SYNE4: variants seen among roughly 807,000 people sequenced by gnomAD.
SYNE4 encodes spectrin repeat containing nuclear envelope family member 4.
A neutral mutation model predicts 46.9 loss-of-function variants in SYNE4; 41 were observed. The observed-to-expected ratio is 0.87, with a 90% confidence interval of 0.68 to 1.13. The LOEUF (loss-of-function observed/expected upper bound fraction) is 1.13. Ranked by LOEUF, SYNE4 falls within the 50% of genes most tolerant of loss-of-function variation. SYNE4 has a pLI of 0.00. For missense variants in SYNE4, 492 were observed against 514.8 expected, an observed-to-expected ratio of 0.96 and a Z score of 0.43; for synonymous variants, 221 against 219.5, an observed-to-expected ratio of 1.01 and a Z score of -0.06.
chr19:36,005,557 A>G, intron 5 of SYNE4, 120 bp from the exon 6 acceptor site: 1 of 800,296 alleles, frequency 1.2e-6, no homozygotes, highest in Non-Finnish European at 2.0e-6. Context: ...AGAGCCAAAG[A>G]AACCAAGAGA....
chr19:36,008,334 G>A lies in SYNE4; in HGVS notation c.162C>T (p.Ser54=). The A allele has an allele frequency of 6.4e-7, 1 of 1,568,528 alleles. No homozygotes were observed. ...CCTGGAAGTGCTCAGGAGGGCCCAA[G>A]GAGTCCTGTCCCAGGGTCTGGGCCT... The part of the protein sequence containing the change: ...PEQAQTLGQD[S]LGPPEHFQGG... The change falls in exon 2 of 8, where the codon TCC becomes TCT. Residue 54 remains serine, a synonymous_variant. Coordinates refer to ENST00000324444, the MANE Select transcript of SYNE4 (RefSeq NM_001039876.3).
At position 36,003,601 on chromosome 19, in the gene SYNE4, C is replaced by T. The variant is rs1394517158; in HGVS notation, c.1031+12G>A. On this transcript the variant is annotated intron_variant, in intron 7 of 7. Transcript: ENST00000324444. The stretch of plus-strand genomic sequence containing the variant: ...TCCCCCACACCCTAGTCCCATCTCT[C>T]AGGCACCTCACCCTGGATTCCCCTC... 1 of 1,612,318 alleles carries T rather than the reference C, an allele frequency of 6.2e-7. No individual in the cohort carries two copies. Among genetic ancestry groups the T allele is most frequent in the Non-Finnish European group, 8.5e-7 (1 of 1,179,364 alleles).
chr19:36,008,107 C>T, intron 2 of SYNE4, 110 bp downstream of exon 2: 3 of 1,392,840 alleles, frequency 2.2e-6, no homozygotes, highest in Admixed American at 3.2e-5. Flanking sequence ...CCCCTACAGA[C>T]ACCCAACACC....
At position 36,006,876 on chromosome 19, in the gene SYNE4, C is replaced by T. The variant is rs1421763385; in HGVS notation, c.492G>A (p.Leu164=). 1.9e-6 allele frequency: 3 copies of T among 1,570,772 alleles called. No individual in the cohort carries two copies. The highest frequency in any genetic ancestry group is 2.6e-6 in the Non-Finnish European group (3 of 1,158,836). Residue 164 remains leucine (L), a synonymous_variant, in exon 4 of 8, where the codon CTG becomes CTA. Transcript: ENST00000324444. The part of the protein sequence containing the change: ...VEALLAFGEG[L]AQRSEPRAWA... ...AGGCCCTGGGCTCACTCCGCTGTGC[C>T]AGCCCCTCACCAAACGCTAGCAGCG...
chr19:36,006,998 G>A, intron 3 of SYNE4, 54 bp from the exon 4 acceptor site: 1 of 1,530,616 alleles, frequency 6.5e-7, no homozygotes, highest in Non-Finnish European at 8.8e-7. Flanking sequence ...AAAACCTGGA[G>A]TTACCCCCCT....
chr19:36,006,564 G>T lies in SYNE4; in HGVS notation c.726C>A (p.Pro242=). 6.2e-7 allele frequency: 1 copy of T among 1,606,710 alleles called. No homozygotes were observed. Among genetic ancestry groups the T allele is most frequent in the East Asian group, 2.2e-5 (1 of 44,586 alleles). ...VWGPWAPSSL[P]TSTELEWDPA... ...GATCCCACTCCAACTCTGTGGAAGT[G>T]GGGAGGCTACTGGGTGCCCAGGGCC... is the stretch of plus-strand genomic sequence containing the variant. The change falls in exon 5 of 8, where the codon CCC becomes CCA. Residue 242 remains proline, a synonymous_variant. Coordinates refer to ENST00000324444, the MANE Select transcript of SYNE4 (RefSeq NM_001039876.3).
rs1025982868 is a variant in SYNE4, at chr19:36,008,798, G to A, written c.-117C>T. On this transcript the variant is annotated 5_prime_UTR_variant, in exon 1 of 8. Coordinates refer to ENST00000324444, the MANE Select transcript of SYNE4 (RefSeq NM_001039876.3). ...CACCCGGGCCTGAGGCTGCAGGAGA[G>A]GCCCAGGACAGGTCTGGCTCCGCCC... 6.9e-7 allele frequency: 1 copy of A among 1,443,234 alleles called. No individual in the cohort carries two copies. The highest frequency in any genetic ancestry group is 9.1e-7 in the Non-Finnish European group (1 of 1,101,090). The allele number at this position is 1,443,234 out of a possible 1,614,324, so 89.4% of individuals were successfully genotyped here. A position where few individuals can be genotyped will look rare whatever the true frequency, so the allele number is the denominator to read the frequency against.
Position 36,006,852 on chromosome 19 carries a change from G to C in SYNE4, c.516C>G (p.Ala172=), listed in dbSNP as rs777593930. ...EGLAQRSEPR[A]WAALEQILRA... The stretch of plus-strand genomic sequence containing the variant: ...GCAGGATCTGCTCCAGGGCTGCCCA[G>C]GCCCTGGGCTCACTCCGCTGTGCCA... The change falls in exon 4 of 8, where the codon GCC becomes GCG. Residue 172 remains alanine, a synonymous_variant. Coordinates refer to ENST00000324444, the MANE Select transcript of SYNE4 (RefSeq NM_001039876.3). The C allele has an allele frequency of 3.1e-6, 5 of 1,589,018 alleles. No homozygotes were observed. In the South Asian group the frequency reaches 5.7e-5, roughly 18 times the overall value.
rs1247417205 is a variant in SYNE4, at chr19:36,006,556, G to A, written c.734C>T (p.Thr245Ile). The A allele has an allele frequency of 6.2e-6, 10 of 1,607,126 alleles. No homozygotes were observed. In the East Asian group the frequency reaches 2.2e-4, roughly 36 times the overall value. The change falls in exon 5 of 8, where the codon ACA becomes ATA. Residue 245 changes from threonine to isoleucine, a missense_variant. By Grantham distance (89) the Thr-to-Ile change is moderately conservative. Transcript: ENST00000324444. ...CCCCGCCGGATCCCACTCCAACTCTGTGGAAGTGGGGAGGCTACTGGGTGC... is the reference window on the plus strand; with the variant it reads ...CCCCGCCGGATCCCACTCCAACTCTATGGAAGTGGGGAGGCTACTGGGTGC... ...PWAPSSLPTS[T>I]ELEWDPAGDI...
chr19:36,006,590 C>G lies in SYNE4; in HGVS notation c.700G>C (p.Gly234Arg). The G allele has an allele frequency of 6.2e-7, 1 of 1,607,784 alleles. No individual in the cohort carries two copies. Among genetic ancestry groups the G allele is most frequent in the Non-Finnish European group, 8.5e-7 (1 of 1,177,186 alleles). ...SDWPGPGGVWGPWAPSSLPTS... is the reference protein window; with the variant it reads ...SDWPGPGGVWRPWAPSSLPTS... The stretch of plus-strand genomic sequence containing the variant: ...GGGAGGCTACTGGGTGCCCAGGGCC[C>G]CCAGACCCCACCAGGTCCTGGCCAG... The change falls in exon 5 of 8, where the codon GGG becomes CGG. Residue 234 changes from glycine (G) to arginine (R), a missense_variant. By Grantham distance (125) the Gly-to-Arg change is moderately radical (BLOSUM62 -2). Transcript: ENST00000324444.
chr19:36,008,805 G>C lies in SYNE4; in HGVS notation c.-124C>G. The stretch of plus-strand genomic sequence containing the variant: ...GCCTGAGGCTGCAGGAGAGGCCCAG[G>C]ACAGGTCTGGCTCCGCCCCTTCCAA... On this transcript the variant is annotated 5_prime_UTR_variant, in exon 1 of 8. Transcript: ENST00000324444. 1 of 1,440,160 alleles carries C rather than the reference G, an allele frequency of 6.9e-7. No individual in the cohort carries two copies. Among genetic ancestry groups the C allele is most frequent in the East Asian group, 2.5e-5 (1 of 39,880 alleles). 89.2% of individuals were successfully genotyped at this position (1,440,160 alleles called of 1,614,324 possible). A position where few individuals can be genotyped will look rare whatever the true frequency, so the allele number is the denominator to read the frequency against.
Position 36,006,790 on chromosome 19 carries a change from C to T in SYNE4, c.578G>A (p.Arg193Gln), listed in dbSNP as rs766460684. The T allele has an allele frequency of 3.2e-5, 52 of 1,611,838 alleles. No individual in the cohort carries two copies. The highest frequency in any genetic ancestry group is 3.9e-5 in the Non-Finnish European group (46 of 1,179,310). The stretch of plus-strand genomic sequence containing the variant: ...CAGCTGGGCCTGCAGCTGCCAGAGC[C>T]GCCGGAAGATGGAGTCTCGGTAAGC... Reference protein sequence around the residue: ...LGAYRDSIFRRLWQLQAQLVS... With the variant: ...LGAYRDSIFRQLWQLQAQLVS... Residue 193 changes from arginine to glutamine, a missense_variant, in exon 4 of 8, where the codon CGG (arginine) becomes CAG (glutamine). Physicochemically the swap from Arg to Gln is conservative, Grantham distance 43 (BLOSUM62 1). Transcript: ENST00000324444.
Position 36,008,710 on chromosome 19 carries a change from G to C in SYNE4, c.-29C>G, listed in dbSNP as rs764495785. 1 of 1,591,586 alleles carries C rather than the reference G, an allele frequency of 6.3e-7. No homozygotes were observed. The highest frequency in any genetic ancestry group is 1.8e-5 in the Admixed American group (1 of 55,742). On this transcript the variant is annotated 5_prime_UTR_variant, in exon 1 of 8. Transcript: ENST00000324444. The stretch of plus-strand genomic sequence containing the variant: ...TGGGGGCCTGGGGACACAAAGTCAG[G>C]TGAGGGCAGCCAGTAAGACCTCTTC...
At chr19:36,008,035 A>T (rs1968436410) in intron 2 of SYNE4, among the ~76,000 whole-genome samples, 182 bp downstream of exon 2, 1 of 151,394 alleles carries the variant, frequency 6.6e-6, no homozygotes, top group Admixed American at 6.6e-5. Context: ...AAAAAAAAAG[A>T]AAGAAAGAAA....
chr19:36,005,522 G>C, intron 5 of SYNE4, 85 bp from the exon 6 acceptor site: 1 of 1,273,636 alleles, frequency 7.9e-7, no homozygotes, highest in Non-Finnish European at 1.1e-6. Context: ...GGGGAGCAGA[G>C]AGATCTCACA....
chr19:36,008,587 G>A lies in SYNE4; in HGVS notation c.95C>T (p.Thr32Ile). The A allele has an allele frequency of 3.1e-6, 5 of 1,613,994 alleles. No homozygotes were observed. The highest frequency in any genetic ancestry group is 4.2e-6 in the Non-Finnish European group (5 of 1,179,940). Residue 32 changes from threonine to isoleucine, a missense_variant, in exon 1 of 8, where the codon ACC (threonine) becomes ATC (isoleucine). Transcript: ENST00000324444. Reference protein sequence around the residue: ...APREADIVGCTVCPASGEEST... With the variant: ...APREADIVGCIVCPASGEEST... Reference sequence around the variant, plus strand: ...CTCCTCTCCGGACGCGGGGCAGACGGTGCATCCAACAATGTCCGCCTCTCT... The same window carrying A: ...CTCCTCTCCGGACGCGGGGCAGACGATGCATCCAACAATGTCCGCCTCTCT...
In SYNE4 at chr19:36,006,851, A is replaced by G. The variant is rs772232397; in HGVS notation, c.517T>C (p.Trp173Arg). Residue 173 changes from tryptophan (W) to arginine (R), a missense_variant, in exon 4 of 8, where the codon TGG becomes CGG. Physicochemically the swap from Trp to Arg is moderately radical, Grantham distance 101 (BLOSUM62 -3). Transcript: ENST00000324444. ...GLAQRSEPRA[W>R]AALEQILRAL... ...CGCAGGATCTGCTCCAGGGCTGCCC[A>G]GGCCCTGGGCTCACTCCGCTGTGCC... 3.1e-6 allele frequency: 5 copies of G among 1,589,166 alleles called. No homozygotes were observed. In the African/African-American group the frequency reaches 6.7e-5, roughly 21 times the overall value.
In SYNE4 at chr19:36,003,343, T is replaced by G. The variant is rs754253207; in HGVS notation, c.1209A>C (p.Pro403=). 61 of 1,613,960 alleles carry G rather than the reference T, an allele frequency of 3.8e-5. No homozygotes were observed. Among genetic ancestry groups the G allele is most frequent in the Non-Finnish European group, 5.0e-5 (59 of 1,179,984 alleles). The stretch of plus-strand genomic sequence containing the variant: ...TGACCATTTATTACACACATCAGAC[T>G]GGGGGAAGACCATTGACATAGCTGA... The part of the protein sequence containing the change: ...LVLSYVNGLP[P]V Residue 403 remains proline (P), a synonymous_variant, in exon 8 of 8, where the codon CCA becomes CCC. Coordinates refer to ENST00000324444, the MANE Select transcript of SYNE4 (RefSeq NM_001039876.3).
At chr19:36,004,723 C>T (rs1157490652) in intron 6 of SYNE4, among the ~76,000 whole-genome samples, 1 of 152,146 alleles carries the variant, frequency 6.6e-6, no homozygotes, top group Non-Finnish European at 1.5e-5. Flanking sequence ...GGGTCGGAGG[C>T]ATGCTCCTTC....
Sources: gnomAD v4.1 joint callset for allele counts (sites outside exome capture counted in the v4.1 genomes callset) on GRCh38, gnomAD v4.1.1 for gene constraint, MANE v1.5 for transcripts, NCBI Gene and HGNC (gene_info 2026-07-23, HGNC 2026-07-21) for gene names.